Variants in RBFOX1 observed in about 807,000 individuals in gnomAD.
RBFOX1 encodes the protein RNA binding protein fox-1 homolog 1.
Under a neutral mutation model 57.7 loss-of-function variants are expected in RBFOX1, and 8 were observed. That is an observed-to-expected ratio of 0.14 (90% confidence interval 0.08 to 0.25). RBFOX1 has a LOEUF of 0.25. Ranked by LOEUF, RBFOX1 falls within the 10% of genes least tolerant of loss-of-function variation. The pLI, the probability that RBFOX1 is intolerant of heterozygous loss-of-function variation, is 1.00. For missense variants in RBFOX1, 611 were observed against 548.5 expected, an observed-to-expected ratio of 1.11 and a Z score of -1.14; for synonymous variants, 326 against 222.4, an observed-to-expected ratio of 1.47 and a Z score of -4.15.
chr16:6,437,037 T>G (rs1268043405), intron 2 of RBFOX1, among the ~76,000 whole-genome samples: 2 of 152,216 alleles, frequency 1.3e-5, no homozygotes, highest in Admixed American at 1.3e-4. Context: ...GTGAAGTTAC[T>G]CAGTATTTTT....
intron 4 of RBFOX1, among the ~76,000 whole-genome samples, chr16:7,272,023 G>T (rs556958363): frequency 2.0e-4 from 30 of 152,312 alleles, no homozygotes; most frequent in African/African-American, 7.0e-4. Context: ...TTTGGGAATA[G>T]AGAATACCAC....
intron 3 of RBFOX1, among the ~76,000 whole-genome samples, chr16:7,027,563 C>G (rs141283791): frequency 1.1e-4 from 16 of 152,094 alleles, no homozygotes; most frequent in African/African-American, 3.4e-4. Flanking sequence ...TTCTCTTAGT[C>G]TTAGACCAAG....
chr16:7,132,427 TACAC>T (rs1567386807), intron 4 of RBFOX1, among the ~76,000 whole-genome samples: 1 of 128,288 alleles, frequency 7.8e-6, no homozygotes, highest in Non-Finnish European at 1.6e-5. Context: ...GAAATTGTGA[TACAC>T]AGACACACAC....
At position 6,610,121 on chromosome 16, in the gene RBFOX1, A is replaced by C. The variant is rs75142890; in HGVS notation, c.-63-44482A>C. Among the ~76,000 whole-genome samples the C allele has an allele frequency of 1.2e-4, 18 of 152,294 alleles. No individual in the cohort carries two copies. The East Asian group carries it at 3.1e-3, about 26-fold the overall frequency. Reference sequence around the variant, plus strand: ...TAAGAACGGAGGTAGATGACATTCAAAGTGTGTTTCATGGACCTCACGTTG... The same window carrying C: ...TAAGAACGGAGGTAGATGACATTCACAGTGTGTTTCATGGACCTCACGTTG... On this transcript the variant is annotated intron_variant, in intron 2 of 15. Coordinates refer to ENST00000550418, the MANE Select transcript of RBFOX1 (RefSeq NM_018723.4).
chr16:5,705,739 G>T (rs1310117582), intron 3 of RBFOX1, among the ~76,000 whole-genome samples: 1 of 152,146 alleles, frequency 6.6e-6, no homozygotes, highest in African/African-American at 2.4e-5. Flanking sequence ...AAGCAGGTGG[G>T]CTTTTAGGGA....
intron 11 of RBFOX1, among the ~76,000 whole-genome samples, chr16:7,633,186 G>C (rs778858636): frequency 6.6e-6 from 1 of 152,182 alleles, no homozygotes; most frequent in East Asian, 1.9e-4. Context: ...AAAGCCTAAC[G>C]TTTTAACAGT....
At chr16:5,699,481 TAACTG>T (rs1236267720) in intron 3 of RBFOX1, among the ~76,000 whole-genome samples, 1 of 152,084 alleles carries the variant, frequency 6.6e-6, no homozygotes, top group African/African-American at 2.4e-5. Context: ...CAGTGGTTCT[TAACTG>T]AAGGCAATTT....
chr16:7,661,164 GC>G (rs1184081535), intron 12 of RBFOX1, among the ~76,000 whole-genome samples: 1 of 152,180 alleles, frequency 6.6e-6, no homozygotes, highest in African/African-American at 2.4e-5. Flanking sequence ...ATTTCACACT[GC>G]CGGTGAGGAT....
At chr16:7,486,346 T>G (rs2065390888) in intron 4 of RBFOX1, among the ~76,000 whole-genome samples, 1 of 151,988 alleles carries the variant, frequency 6.6e-6, no homozygotes, top group African/African-American at 2.4e-5. Context: ...TTGGCCAGGC[T>G]GGTCTCGAAC....
intron 1 of RBFOX1, among the ~76,000 whole-genome samples, chr16:5,425,611 C>G (rs1425294519): frequency 6.6e-6 from 1 of 152,182 alleles, no homozygotes; most frequent in African/African-American, 2.4e-5. Context: ...AAAGAGAGAA[C>G]GTGTCCTTTC....
At chr16:7,166,929 T>G (rs1314151011) in intron 4 of RBFOX1, among the ~76,000 whole-genome samples, 1 of 145,594 alleles carries the variant, frequency 6.9e-6, no homozygotes, top group Non-Finnish European at 1.5e-5. Context: ...CTTTCTTTAC[T>G]GATGACATCA....
chr16:6,257,597 C>G (rs904158583), intron 1 of RBFOX1, among the ~76,000 whole-genome samples: 7 of 152,094 alleles, frequency 4.6e-5, no homozygotes, highest in African/African-American at 1.7e-4. Context: ...GAAGTAGACA[C>G]CACTGTCTGT....
intron 4 of RBFOX1, among the ~76,000 whole-genome samples, chr16:7,474,361 C>T (rs771945314): frequency 2.0e-4 from 31 of 152,144 alleles, no homozygotes; most frequent in Admixed American, 1.8e-3. Flanking sequence ...AGTAAATGGC[C>T]TCTTCTCACC....
chr16:6,321,326 T>TA (rs1306177248), intron 2 of RBFOX1, among the ~76,000 whole-genome samples: 6 of 152,292 alleles, frequency 3.9e-5, no homozygotes, highest in African/African-American at 1.4e-4. Flanking sequence ...AGCAGCCTTA[T>TA]AAATACAGGG....
chr16:7,699,318 A>G (rs1038501487), intron 14 of RBFOX1, among the ~76,000 whole-genome samples: 1 of 152,094 alleles, frequency 6.6e-6, no homozygotes, highest in African/African-American at 2.4e-5. Flanking sequence ...CACCCTCCCT[A>G]GTAGCTGGGA....
intron 4 of RBFOX1, among the ~76,000 whole-genome samples, chr16:7,355,571 C>G (rs964289353): frequency 1.3e-5 from 2 of 152,206 alleles, no homozygotes; most frequent in African/African-American, 4.8e-5. Flanking sequence ...CATGATTTTG[C>G]TCATTGCTTT....
At chr16:6,676,645 T>C (rs536253639) in intron 3 of RBFOX1, among the ~76,000 whole-genome samples, 82 of 151,458 alleles carry the variant, frequency 5.4e-4, no homozygotes, top group African/African-American at 1.9e-3. Context: ...CAACTTACTT[T>C]CTTTTTTTTT....
At chr16:5,652,619 C>A (rs982344864) in intron 3 of RBFOX1, among the ~76,000 whole-genome samples, 3 of 152,330 alleles carry the variant, frequency 2.0e-5, no homozygotes, top group Non-Finnish European at 4.4e-5. Flanking sequence ...CAGCCCCCAC[C>A]CACTCACCCA....
chr16:6,187,528 T>C (rs1396622867), intron 1 of RBFOX1, among the ~76,000 whole-genome samples: 1 of 152,106 alleles, frequency 6.6e-6, no homozygotes. Flanking sequence ...AATAACTAGC[T>C]CTCACAAGTA....
Sources: gnomAD v4.1 joint callset for allele counts (sites outside exome capture counted in the v4.1 genomes callset) on GRCh38, gnomAD v4.1.1 for gene constraint, MANE v1.5 for transcripts, NCBI Gene and HGNC (gene_info 2026-07-23, HGNC 2026-07-21) for gene names.